BEND3: variants seen among roughly 807,000 people sequenced by gnomAD.
The protein encoded by BEND3 is BEN domain-containing protein 3.
Under a neutral mutation model 60.1 loss-of-function variants are expected in BEND3, and 13 were observed. That is an observed-to-expected ratio of 0.22 (90% CI 0.14 to 0.34). The LOEUF is 0.34. Ranked by LOEUF, BEND3 falls within the 10% of genes least tolerant of loss-of-function variation. BEND3 has a pLI of 1.00. For synonymous variants in BEND3, 497 were observed against 491.5 expected, an observed-to-expected ratio of 1.01 and a Z score of -0.15; for missense variants, 896 against 1,138.1, an observed-to-expected ratio of 0.79 and a Z score of 3.06.
rs558564949 is a variant in BEND3, at chr6:107,066,666, C to T, written c.*2038G>A. 1 of 152,530 alleles carries T rather than the reference C, an allele frequency of 6.6e-6. No individual in the cohort carries two copies. The highest frequency in any genetic ancestry group is 1.5e-5 in the Non-Finnish European group (1 of 68,026). 9.4% of individuals were successfully genotyped at this position (152,530 alleles called of 1,614,324 possible). A position where few individuals can be genotyped will look rare whatever the true frequency, so the allele number is the denominator to read the frequency against. On this transcript the variant is annotated 3_prime_UTR_variant, in exon 4 of 4. Transcript: ENST00000369042. The stretch of plus-strand genomic sequence containing the variant: ...GAGTCCTCGTTTACATCCTAGAAAC[C>T]AGAACAAATTCCATGGGACCTCCCG...
chr6:107,078,229 A>G (rs1775139764), intron 3 of BEND3, among the ~76,000 whole-genome samples: 1 of 152,096 alleles, frequency 6.6e-6, no homozygotes, highest in South Asian at 2.1e-4. Context: ...ACATGCTGTT[A>G]GCATCAGGGC....
In BEND3 at chr6:107,066,780, G is replaced by C. The variant is rs1450961596; in HGVS notation, c.*1924C>G. ...TTGGGTAGGGTGCGTGTGTGTGCAT[G>C]CTGTGTGCATGTGCTGGAGAGACTA... On this transcript the variant is annotated 3_prime_UTR_variant, in exon 4 of 4. Transcript: ENST00000369042. 1 of 152,652 alleles carries C rather than the reference G, an allele frequency of 6.6e-6. No individual in the cohort carries two copies. Among genetic ancestry groups the C allele is most frequent in the African/African-American group, 2.4e-5 (1 of 41,428 alleles). 9.5% of individuals were successfully genotyped at this position (152,652 alleles called of 1,614,324 possible).
At chr6:107,085,572 A>G (rs1353950760) in intron 3 of BEND3, among the ~76,000 whole-genome samples, 1 of 151,496 alleles carries the variant, frequency 6.6e-6, no homozygotes, top group Non-Finnish European at 1.5e-5. Flanking sequence ...GCTCACTGCT[A>G]GCTCTGCCTC....
Position 107,066,916 on chromosome 6 carries a change from A to C in BEND3, c.*1788T>G, listed in dbSNP as rs1270172725. On this transcript the variant is annotated 3_prime_UTR_variant, in exon 4 of 4. Transcript: ENST00000369042. Reference sequence around the variant, plus strand: ...CTTGTTATTCGTGTAGGCCCCCTTCATCTCACTTCAGCTTTTAGTAAGCAG... The same window carrying C: ...CTTGTTATTCGTGTAGGCCCCCTTCCTCTCACTTCAGCTTTTAGTAAGCAG... 3.3e-5 allele frequency: 5 copies of C among 152,212 alleles called. No individual in the cohort carries two copies. Among genetic ancestry groups the C allele is most frequent in the Non-Finnish European group, 7.4e-5 (5 of 68,024 alleles). The allele number at this position is 152,212 out of a possible 1,614,324, so 9.4% of individuals were successfully genotyped here.
chr6:107,084,320 C>G (rs1461433409), intron 3 of BEND3, among the ~76,000 whole-genome samples: 1 of 152,262 alleles, frequency 6.6e-6, no homozygotes, highest in Non-Finnish European at 1.5e-5. Context: ...AGACCCCACA[C>G]TTTCGTGGGT....
intron 1 of BEND3, among the ~76,000 whole-genome samples, chr6:107,108,588 C>G (rs1443096146): frequency 1.3e-5 from 2 of 152,026 alleles, no homozygotes; most frequent in Non-Finnish European, 2.9e-5. Context: ...TGGGTGTATA[C>G]TGCACCCCCA....
rs1775204482 is a variant in BEND3 at position 107,080,371 on chromosome 6, A to AAAAAAC, written c.241-9422_241-9421insGTTTTT. On this transcript the variant is annotated intron_variant, in intron 3 of 3. Transcript: ENST00000369042. Reference sequence around the variant, plus strand: ...TCCCATCTCAAAAAAAAAAAAAAAAAAAAAAACAAAAAACAGGAAAAAGAA... The same window carrying AAAAAAC: ...TCCCATCTCAAAAAAAAAAAAAAAAAAAAAACAAAAAACAAAAAACAGGAAAAAGAA... Among the ~76,000 whole-genome samples, 6 of 119,194 alleles carry AAAAAAC rather than the reference A, an allele frequency of 5.0e-5. No homozygotes were observed. The East Asian group carries it at 7.4e-4, about 15-fold the overall frequency. The allele number at this position is 119,194 out of a possible 152,430, so 78.2% of individuals were successfully genotyped here. A position where few individuals can be genotyped will look rare whatever the true frequency, so the allele number is the denominator to read the frequency against.
At chr6:107,093,203 G>C (rs1009790781) in intron 3 of BEND3, among the ~76,000 whole-genome samples, 2 of 152,220 alleles carry the variant, frequency 1.3e-5, no homozygotes, top group African/African-American at 4.8e-5. Context: ...ACAGTTGCCT[G>C]TAATCCCAGC....
At chr6:107,093,324 G>A (rs1775515049) in intron 3 of BEND3, among the ~76,000 whole-genome samples, 1 of 152,128 alleles carries the variant, frequency 6.6e-6, no homozygotes, top group Non-Finnish European at 1.5e-5. Flanking sequence ...AGCCGGGCGT[G>A]GTGGTGGGTG....
At chr6:107,106,757 C>T (rs535197542) in intron 1 of BEND3, among the ~76,000 whole-genome samples, 22 of 152,132 alleles carry the variant, frequency 1.4e-4, no homozygotes, top group Admixed American at 5.9e-4. Flanking sequence ...TATAGGTGCA[C>T]GCCACCACAC....
chr6:107,096,471 G>A (rs551365924), intron 3 of BEND3, among the ~76,000 whole-genome samples: 1 of 152,108 alleles, frequency 6.6e-6, no homozygotes, highest in South Asian at 2.1e-4. Flanking sequence ...AATTAGCCAG[G>A]CGTGGTGGTG....
In BEND3 at chr6:107,070,178, C is replaced by T. The variant is rs782223733; in HGVS notation, c.1013G>A (p.Arg338His). Reference sequence around the variant, plus strand: ...CTCCATTTCCCGCTGGGCCCAGAAGCGGCTGAAGAAGTCGTTCAGCTGGGG... The same window carrying T: ...CTCCATTTCCCGCTGGGCCCAGAAGTGGCTGAAGAAGTCGTTCAGCTGGGG... ...CLPQLNDFFSRFWAQREMEDS... is the reference protein window; with the variant it reads ...CLPQLNDFFSHFWAQREMEDS... Residue 338 changes from arginine (R) to histidine (H), a missense_variant, in exon 4 of 4, where the codon CGC (arginine) becomes CAC (histidine). Arg to His is a conservative substitution (Grantham distance 29, BLOSUM62 0). This residue lies in a region of BEND3 where 846 missense variants were observed against 1,036.7 expected (regional missense o/e 0.82). Coordinates refer to ENST00000369042, the MANE Select transcript of BEND3 (RefSeq NM_001367314.1). This position sits in a 1 kb window ranked among gnomAD's most constrained non-coding sequence, Gnocchi z 6.9. The T allele has an allele frequency of 1.4e-5, 22 of 1,612,768 alleles. No homozygotes were observed. The highest frequency in any genetic ancestry group is 3.3e-5 in the Admixed American group (2 of 60,000).
intron 1 of BEND3, among the ~76,000 whole-genome samples, chr6:107,102,982 ATAAT>A (rs1457960847): frequency 1.3e-5 from 2 of 152,200 alleles, no homozygotes; most frequent in African/African-American, 4.8e-5. Context: ...CAGGGAGGAA[ATAAT>A]AGAGTCTTCA....
chr6:107,112,856 GAAAA>G (rs1201523509), intron 1 of BEND3, among the ~76,000 whole-genome samples: 186 of 80,132 alleles, frequency 2.3e-3, no homozygotes, highest in African/African-American at 8.1e-3. Flanking sequence ...TCTGTCTCAA[GAAAA>G]AAAAAAAAAA....
chr6:107,078,770 C>T (rs1023509643), intron 3 of BEND3, among the ~76,000 whole-genome samples: 6 of 150,560 alleles, frequency 4.0e-5, no homozygotes, highest in African/African-American at 1.2e-4. Context: ...ATCTGCCCCT[C>T]GTCTGACCCC....
At chr6:107,113,106 A>G (rs1770154018) in intron 1 of BEND3, among the ~76,000 whole-genome samples, 1 of 151,726 alleles carries the variant, frequency 6.6e-6, no homozygotes, top group South Asian at 2.1e-4. Context: ...TGCAGCGAGA[A>G]GAGATCACGC....
At chr6:107,109,244 G>A (rs1006466267) in intron 1 of BEND3, among the ~76,000 whole-genome samples, 2 of 150,586 alleles carry the variant, frequency 1.3e-5, no homozygotes, top group Admixed American at 1.3e-4. Flanking sequence ...GAGGTTGAGA[G>A]ACCAGCCTGG....
At position 107,069,791 on chromosome 6, in the gene BEND3, G is replaced by GCCT; in HGVS notation, c.1397_1399dup (p.Glu466dup). 5.6e-6 allele frequency: 9 copies of GCCT among 1,613,184 alleles called. No individual in the cohort carries two copies. Among genetic ancestry groups the GCCT allele is most frequent in the Non-Finnish European group, 7.6e-6 (9 of 1,179,992 alleles). On this transcript the variant is annotated inframe_insertion, in exon 4 of 4. Coordinates refer to ENST00000369042, the MANE Select transcript of BEND3 (RefSeq NM_001367314.1). ...GCGCTGGGCACACTGCTGCAGCCAG[G>GCCT]CCTCCTCCTCCTGCATGTCAGGGAA...
intron 1 of BEND3, chr6:107,106,076 C>T (rs983095584): frequency 6.6e-6 from 1 of 152,250 alleles, no homozygotes; most frequent in South Asian, 2.1e-4. Flanking sequence ...CTAAACCTTA[C>T]TTCAATCTTT....
Sources: allele counts gnomAD v4.1 joint callset (sites outside exome capture counted in the v4.1 genomes callset), GRCh38; gene constraint gnomAD v4.1.1; regional missense constraint gnomAD v4.1.1; non-coding constraint Gnocchi (gnomAD v3.1); transcripts MANE v1.5; gene names NCBI Gene and HGNC (gene_info 2026-07-23, HGNC 2026-07-21).